Variants in LIN28B observed in about 807,000 individuals in gnomAD.
The protein encoded by LIN28B is lin-28 RNA binding posttranscriptional regulator B.
LIN28B carries 5 observed loss-of-function variants against 21.9 expected under a neutral mutation model. The ratio of observed to expected loss-of-function variants is 0.23; its 90% confidence interval spans 0.12 to 0.48. The LOEUF (loss-of-function observed/expected upper bound fraction) is 0.48. Ranked by LOEUF, LIN28B falls within the 20% of genes least tolerant of loss-of-function variation. The pLI, the probability that LIN28B is intolerant of heterozygous loss-of-function variation, is 0.98. For synonymous variants in LIN28B, 109 were observed against 111.3 expected (o/e 0.98, Z 0.13); for missense variants, 245 against 310.5 (o/e 0.79, Z 1.58).
chr6:104,939,231 CAT>C (rs1460233587), intron 2 of LIN28B: 1 of 152,120 alleles, frequency 6.6e-6, no homozygotes, highest in Non-Finnish European at 1.5e-5. Context: ...TATTTGAAAT[CAT>C]AGTGTAAATT....
chr6:104,986,333 G>C (rs548350267), intron 2 of LIN28B, among the ~76,000 whole-genome samples: 4 of 150,484 alleles, frequency 2.7e-5, no homozygotes, highest in African/African-American at 7.3e-5. Flanking sequence ...TGCAAGAACA[G>C]ACTAATACAG....
intron 3 of LIN28B, among the ~76,000 whole-genome samples, chr6:105,067,399 G>A (rs1172605656): frequency 6.6e-6 from 1 of 152,152 alleles, no homozygotes; most frequent in African/African-American, 2.4e-5. Context: ...ATATGTGTGT[G>A]TGTTACTCCT....
chr6:104,983,292 G>A (rs2114255728), intron 2 of LIN28B, among the ~76,000 whole-genome samples: 1 of 152,282 alleles, frequency 6.6e-6, no homozygotes, highest in Non-Finnish European at 1.5e-5. Flanking sequence ...GCTCAAAATT[G>A]GTAGATGGTG....
Position 105,080,003 on chromosome 6 carries a change from C to T in LIN28B, c.*1220C>T, listed in dbSNP as rs1582938170. 1.3e-5 allele frequency: 2 copies of T among 152,172 alleles called. No individual in the cohort carries two copies. The highest frequency in any genetic ancestry group is 1.3e-4 in the Admixed American group (2 of 15,262). 9.4% of individuals were successfully genotyped at this position (152,172 alleles called of 1,614,324 possible). A position where few individuals can be genotyped will look rare whatever the true frequency, so the allele number is the denominator to read the frequency against. On this transcript the variant is annotated 3_prime_UTR_variant, in exon 4 of 4. Coordinates refer to ENST00000345080, the MANE Select transcript of LIN28B (RefSeq NM_001004317.4). The stretch of plus-strand genomic sequence containing the variant: ...AGCCTGGGGCAGAGGTACCAAACCT[C>T]TCCCACCAGAGAGCTAGAAGTATTT...
Position 105,038,408 on chromosome 6 carries a change from C to T in LIN28B, c.383+11926C>T, listed in dbSNP as rs1487063520. Among the ~76,000 whole-genome samples the T allele has an allele frequency of 1.3e-5, 2 of 152,092 alleles. 1 individual carries two copies. The highest frequency in any genetic ancestry group is 1.3e-4 in the Admixed American group (2 of 15,272). ...TGGAAACTGCTGCCTCCGAGTGGAC[C>T]AGTGGCAGGCTGCTGTTGGTCAGCA... On this transcript the variant is annotated intron_variant, in intron 3 of 3. Coordinates refer to ENST00000345080, the MANE Select transcript of LIN28B (RefSeq NM_001004317.4).
At chr6:105,007,700 T>C (rs1443955223) in intron 2 of LIN28B, among the ~76,000 whole-genome samples, 3 of 152,072 alleles carry the variant, frequency 2.0e-5, no homozygotes, top group Non-Finnish European at 2.9e-5. Context: ...AATTTTTGTT[T>C]GTTTGTTTTT....
chr6:105,043,875 C>T (rs1771692442), intron 3 of LIN28B, among the ~76,000 whole-genome samples: 1 of 152,140 alleles, frequency 6.6e-6, no homozygotes, highest in Admixed American at 6.5e-5. Flanking sequence ...GCTGGGATTA[C>T]AGGCGTGAGC....
chr6:105,010,740 G>A (rs994785517), intron 2 of LIN28B, among the ~76,000 whole-genome samples: 8 of 152,142 alleles, frequency 5.3e-5, no homozygotes, highest in Admixed American at 3.9e-4. Context: ...TTGATACACA[G>A]TGAAATTGTA....
intron 2 of LIN28B, among the ~76,000 whole-genome samples, chr6:105,020,497 T>G (rs1771117013): frequency 6.6e-6 from 1 of 151,880 alleles, no homozygotes; most frequent in South Asian, 2.1e-4. Context: ...TTTGTATTTT[T>G]TTGTAGAGAT....
At chr6:104,978,115 C>CGGTA (rs1770140952) in intron 2 of LIN28B, among the ~76,000 whole-genome samples, 1 of 152,156 alleles carries the variant, frequency 6.6e-6, no homozygotes, top group Non-Finnish European at 1.5e-5. Flanking sequence ...GAGTTATATA[C>CGGTA]GGTAAACTGT....
In LIN28B at chr6:105,072,764, A is replaced by G. The variant is rs1203185035; in HGVS notation, c.384-5650A>G. Among the ~76,000 whole-genome samples the G allele has an allele frequency of 2.0e-5, 3 of 152,236 alleles. No homozygotes were observed. In the East Asian group the frequency reaches 5.8e-4, roughly 29 times the overall value. On this transcript the variant is annotated intron_variant, in intron 3 of 3. Coordinates refer to ENST00000345080, the MANE Select transcript of LIN28B (RefSeq NM_001004317.4). ...CAATCTTATGAATTTGGTTATGAGA[A>G]GAATGAAATAAAAGAAACTAATTCA...
At chr6:104,941,737 A>G (rs2114540510) in intron 2 of LIN28B, among the ~76,000 whole-genome samples, 1 of 152,326 alleles carries the variant, frequency 6.6e-6, no homozygotes, top group East Asian at 1.9e-4. Flanking sequence ...ACTTGGATTT[A>G]GGTTGTTTTT....
chr6:105,061,844 T>C (rs1009003659), intron 3 of LIN28B, among the ~76,000 whole-genome samples: 3 of 152,112 alleles, frequency 2.0e-5, no homozygotes, highest in Non-Finnish European at 2.9e-5. Flanking sequence ...GAACAATGTG[T>C]ACATAAACTT....
chr6:104,989,812 G>A (rs747281991), intron 2 of LIN28B, among the ~76,000 whole-genome samples: 2 of 151,548 alleles, frequency 1.3e-5, no homozygotes, highest in Non-Finnish European at 2.9e-5. Flanking sequence ...GGCTGGTTAC[G>A]AACTCCTGGC....
At chr6:105,028,652 A>AT (rs1275189499) in intron 3 of LIN28B, among the ~76,000 whole-genome samples, 4 of 152,340 alleles carry the variant, frequency 2.6e-5, no homozygotes, top group Non-Finnish European at 4.4e-5. Flanking sequence ...GGGGAAACCT[A>AT]CAGAAGGAGC....
intron 3 of LIN28B, among the ~76,000 whole-genome samples, chr6:104,951,902 G>A (rs552738423): frequency 6.6e-6 from 1 of 152,184 alleles, no homozygotes; most frequent in East Asian, 1.9e-4. Flanking sequence ...TTTCTAGCTG[G>A]GCTTTTTCTC....
At chr6:104,998,339 C>T (rs1049426162) in intron 2 of LIN28B, among the ~76,000 whole-genome samples, 1 of 152,068 alleles carries the variant, frequency 6.6e-6, no homozygotes, top group Non-Finnish European at 1.5e-5. Context: ...ATTTTATTAT[C>T]ATTTTGTTTA....
chr6:105,043,152 C>A (rs546635520), intron 3 of LIN28B, among the ~76,000 whole-genome samples: 1 of 151,826 alleles, frequency 6.6e-6, no homozygotes, highest in Non-Finnish European at 1.5e-5. Flanking sequence ...ACTGGCCAGA[C>A]GTTATGGCTC....
intron 3 of LIN28B, among the ~76,000 whole-genome samples, chr6:105,036,318 C>T (rs1771520925): frequency 3.9e-5 from 6 of 152,154 alleles, no homozygotes. Flanking sequence ...TCCAAATTTT[C>T]AGTCATCCAT....
Sources: gnomAD v4.1 joint callset for allele counts (sites outside exome capture counted in the v4.1 genomes callset) on GRCh38, gnomAD v4.1.1 for gene constraint, MANE v1.5 for transcripts, NCBI Gene and HGNC (gene_info 2026-07-23, HGNC 2026-07-21) for gene names.